The following CSMD1 variants were observed in gnomAD, a reference collection of about 807,000 sequenced individuals.
CSMD1 encodes CUB and Sushi multiple domains 1.
A neutral mutation model predicts 417.5 loss-of-function variants in CSMD1; 213 were observed. The observed-to-expected ratio is 0.51, with a 90% CI of 0.46 to 0.57. The LOEUF (loss-of-function observed/expected upper bound fraction) is 0.57, where lower values mean the gene tolerates loss of function less well. CSMD1 is among the 20% of genes least tolerant of loss of function. The pLI, the probability that CSMD1 is intolerant of heterozygous loss-of-function variation, is 0.00. For synonymous variants in CSMD1, 2,862 were observed against 1,736.8 expected, an observed-to-expected ratio of 1.65 and a Z score of -16.11; for missense variants, 6,923 against 4,529.7, an observed-to-expected ratio of 1.53 and a Z score of -15.17.
At chr8:3,975,616 C>T (rs1370735884) in intron 5 of CSMD1, among the ~76,000 whole-genome samples, 2 of 152,104 alleles carry the variant, frequency 1.3e-5, no homozygotes, top group African/African-American at 4.8e-5. Context: ...AAAGGGTTCC[C>T]ATGACTAAAG....
At chr8:4,163,508 C>T (rs954302072) in intron 3 of CSMD1, among the ~76,000 whole-genome samples, 1 of 152,092 alleles carries the variant, frequency 6.6e-6, no homozygotes, top group African/African-American at 2.4e-5. Flanking sequence ...ACAGTACAGA[C>T]ATTGTTTTGT....
intron 6 of CSMD1, among the ~76,000 whole-genome samples, chr8:3,712,589 G>A (rs78015624): frequency 3.3e-5 from 5 of 152,230 alleles, no homozygotes; most frequent in Admixed American, 2.6e-4. Context: ...AAAATATTTC[G>A]TGATTGATGA....
intron 3 of CSMD1, among the ~76,000 whole-genome samples, chr8:4,233,607 C>G (rs1016666433): frequency 2.0e-5 from 3 of 152,238 alleles, no homozygotes; most frequent in East Asian, 3.9e-4. Context: ...GATCCCCAAC[C>G]AGGACACCTT....
rs1262227260 is a variant in CSMD1 at position 3,560,680 on chromosome 8, A to T, written c.1344+14265T>A. Among the ~76,000 whole-genome samples the T allele has an allele frequency of 3.9e-5, 6 of 152,310 alleles. No individual in the cohort carries two copies. The South Asian group carries it at 8.3e-4, about 21-fold the overall frequency. Reference sequence around the variant, plus strand: ...TATTGTCTTTTACTGTCTTCATGGAAACCATGAATTTCTCTCAGGGTACTT... The same window carrying T: ...TATTGTCTTTTACTGTCTTCATGGATACCATGAATTTCTCTCAGGGTACTT... On this transcript the variant is annotated intron_variant, in intron 10 of 69. Transcript: ENST00000635120.
At chr8:3,326,064 C>G (rs1445318750) in intron 23 of CSMD1, among the ~76,000 whole-genome samples, 1 of 152,120 alleles carries the variant, frequency 6.6e-6, no homozygotes, top group Non-Finnish European at 1.5e-5. Flanking sequence ...GATCACAGAC[C>G]CTTATTAAAC....
intron 5 of CSMD1, among the ~76,000 whole-genome samples, chr8:3,935,205 C>T (rs562006025): frequency 1.3e-5 from 2 of 152,112 alleles, no homozygotes; most frequent in East Asian, 3.9e-4. Context: ...AATAACAAAG[C>T]TCCAACAGAA....
intron 5 of CSMD1, among the ~76,000 whole-genome samples, chr8:3,924,074 A>G (rs1009247593): frequency 2.0e-5 from 3 of 152,180 alleles, no homozygotes; most frequent in African/African-American, 7.2e-5. Flanking sequence ...CTTGCAGGGT[A>G]TATCTGGTGG....
chr8:4,423,274 C>T (rs1448396979), intron 2 of CSMD1, among the ~76,000 whole-genome samples: 2 of 151,984 alleles, frequency 1.3e-5, no homozygotes, highest in East Asian at 3.9e-4. Context: ...AAAATTACTA[C>T]TATTTGAAGT....
intron 5 of CSMD1, among the ~76,000 whole-genome samples, chr8:3,850,196 T>C (rs1053038426): frequency 6.6e-6 from 1 of 152,260 alleles, no homozygotes; most frequent in Non-Finnish European, 1.5e-5. Context: ...TTTGAGACTG[T>C]TTACACTTTT....
At position 3,622,936 on chromosome 8, in the gene CSMD1, C is replaced by T. The variant is rs999444624; in HGVS notation, c.1010-6139G>A. Among the ~76,000 whole-genome samples the T allele has an allele frequency of 2.6e-5, 4 of 152,188 alleles. No homozygotes were observed. In the East Asian group the frequency reaches 7.7e-4, roughly 29 times the overall value. On this transcript the variant is annotated intron_variant, in intron 7 of 69. Coordinates refer to ENST00000635120, the MANE Select transcript of CSMD1 (RefSeq NM_033225.6). ...AGAGAGGAATTACTGGGCTTAATAT[C>T]ACTTTAACTCTAATTTTGTTGAATT...
intron 3 of CSMD1, among the ~76,000 whole-genome samples, chr8:4,132,736 G>A (rs1426507596): frequency 1.3e-5 from 2 of 152,266 alleles, no homozygotes; most frequent in African/African-American, 4.8e-5. Flanking sequence ...GAATCAAAAT[G>A]TTGCAGAGAT....
intron 41 of CSMD1, chr8:3,128,345 G>A (rs1563069766): frequency 6.5e-6 from 1 of 152,920 alleles, no homozygotes; most frequent in Non-Finnish European, 1.5e-5. Context: ...TGCATGGCTT[G>A]ATTTTACCAA....
At chr8:4,344,763 G>C (rs774412099) in intron 3 of CSMD1, among the ~76,000 whole-genome samples, 1 of 152,032 alleles carries the variant, frequency 6.6e-6, no homozygotes, top group Non-Finnish European at 1.5e-5. Context: ...TTTCACCGTT[G>C]TAGATAAAAA....
intron 6 of CSMD1, among the ~76,000 whole-genome samples, chr8:3,737,954 G>C (rs79727403): frequency 0.09 from 13,704 of 152,172 alleles, 642 homozygotes; most frequent in Non-Finnish European, 0.1. Flanking sequence ...ATTCTTAAAA[G>C]AAACAACTAA....
intron 3 of CSMD1, among the ~76,000 whole-genome samples, chr8:4,242,301 ATAG>A (rs1379165329): frequency 2.0e-5 from 3 of 152,200 alleles, no homozygotes; most frequent in African/African-American, 7.2e-5. Context: ...TGGAAAATTC[ATAG>A]TAGTGTAATT....
At chr8:3,939,024 G>C (rs780105928) in intron 5 of CSMD1, among the ~76,000 whole-genome samples, 6 of 151,996 alleles carry the variant, frequency 3.9e-5, no homozygotes, top group Non-Finnish European at 8.8e-5. Context: ...ATAGTGAAAT[G>C]GATTTTTATT....
At chr8:4,009,209 G>T (rs540750142) in intron 4 of CSMD1, among the ~76,000 whole-genome samples, 4 of 152,188 alleles carry the variant, frequency 2.6e-5, no homozygotes, top group East Asian at 1.9e-4. Flanking sequence ...AATTCTAAAT[G>T]TAAGTGCAAA....
chr8:3,028,490 CGGG>C (rs1345458548), intron 51 of CSMD1, among the ~76,000 whole-genome samples: 6 of 152,144 alleles, frequency 3.9e-5, no homozygotes, highest in African/African-American at 1.4e-4. Flanking sequence ...CTTAGAGAAA[CGGG>C]GACCATGTTC....
intron 18 of CSMD1, among the ~76,000 whole-genome samples, chr8:3,372,131 A>G (rs1809994616): frequency 6.6e-6 from 1 of 152,214 alleles, no homozygotes; most frequent in Admixed American, 6.5e-5. Flanking sequence ...GGGATGGGAT[A>G]GTGTGAGGCT....
Sources: gnomAD v4.1 joint callset for allele counts (sites outside exome capture counted in the v4.1 genomes callset) on GRCh38, gnomAD v4.1.1 for gene constraint, MANE v1.5 for transcripts, NCBI Gene and HGNC (gene_info 2026-07-23, HGNC 2026-07-21) for gene names.